The following CPA6 variants were observed in gnomAD, a reference collection of about 807,000 sequenced individuals.
The protein encoded by CPA6 is carboxypeptidase A6.
A neutral mutation model predicts 63.3 loss-of-function variants in CPA6; 58 were observed. That is an observed-to-expected ratio of 0.92 (90% CI 0.74 to 1.14). The LOEUF is 1.14. Among genes scored for constraint, CPA6 ranks in the 50% most tolerant of loss-of-function variants. CPA6 has a pLI of 0.00. For missense variants in CPA6, 565 were observed against 526.6 expected, an observed-to-expected ratio of 1.07 and a Z score of -0.71; for synonymous variants, 185 against 179.0, an observed-to-expected ratio of 1.03 and a Z score of -0.27.
At chr8:67,440,626 T>C (rs1251505325) in intron 8 of CPA6, among the ~76,000 whole-genome samples, 1 of 152,124 alleles carries the variant, frequency 6.6e-6, no homozygotes, top group Non-Finnish European at 1.5e-5. Flanking sequence ...GACAATTTCG[T>C]CAGTGAGCAA....
chr8:67,566,951 C>G (rs1665654912), intron 2 of CPA6, among the ~76,000 whole-genome samples: 3 of 152,150 alleles, frequency 2.0e-5, no homozygotes, highest in African/African-American at 7.2e-5. Flanking sequence ...ACTCTTTAGG[C>G]CACAGTATGT....
intron 2 of CPA6, among the ~76,000 whole-genome samples, chr8:67,586,987 T>C (rs112778244): frequency 8.9e-4 from 135 of 152,354 alleles, no homozygotes; most frequent in African/African-American, 3.0e-3. Flanking sequence ...TTGTGTGTAA[T>C]CTAGGCCATA....
chr8:67,501,066 A>G (rs1367772596), intron 6 of CPA6, among the ~76,000 whole-genome samples: 1 of 152,074 alleles, frequency 6.6e-6, no homozygotes, highest in Non-Finnish European at 1.5e-5. Flanking sequence ...GCCATTCCAT[A>G]TACTTTTAAG....
At chr8:67,672,120 G>A (rs557049921) in intron 1 of CPA6, among the ~76,000 whole-genome samples, 13 of 152,056 alleles carry the variant, frequency 8.5e-5, no homozygotes, top group Non-Finnish European at 1.3e-4. Context: ...GTGAGCCACC[G>A]CACCCGGCCT....
intron 2 of CPA6, among the ~76,000 whole-genome samples, chr8:67,546,533 G>T (rs1056537688): frequency 6.6e-6 from 1 of 151,940 alleles, no homozygotes; most frequent in African/African-American, 2.4e-5. Flanking sequence ...TTTCAACATC[G>T]CATGTAACTG....
intron 1 of CPA6, among the ~76,000 whole-genome samples, chr8:67,740,885 A>C (rs1215568406): frequency 1.3e-5 from 2 of 152,096 alleles, no homozygotes; most frequent in Non-Finnish European, 2.9e-5. Flanking sequence ...CTACTTTTCA[A>C]AAAAAATCTT....
chr8:67,731,581 C>T (rs1817705657), intron 1 of CPA6, among the ~76,000 whole-genome samples: 1 of 152,226 alleles, frequency 6.6e-6, no homozygotes, highest in Non-Finnish European at 1.5e-5. Flanking sequence ...CACATTTGAT[C>T]AACTTTATTT....
At chr8:67,710,341 G>C (rs1397795630) in intron 1 of CPA6, among the ~76,000 whole-genome samples, 1 of 151,902 alleles carries the variant, frequency 6.6e-6, no homozygotes, top group Non-Finnish European at 1.5e-5. Context: ...ATCTCTCTTA[G>C]ATCTGGGAAA....
chr8:67,714,935 G>A (rs1391696968), intron 1 of CPA6, among the ~76,000 whole-genome samples: 1 of 152,056 alleles, frequency 6.6e-6, no homozygotes, highest in East Asian at 1.9e-4. Flanking sequence ...ACTAAACCAA[G>A]CAACTAAAAG....
intron 2 of CPA6, among the ~76,000 whole-genome samples, chr8:67,574,248 C>T (rs894364485): frequency 1.3e-5 from 2 of 151,494 alleles, no homozygotes; most frequent in Non-Finnish European, 2.9e-5. Context: ...CATGGTGGCA[C>T]GAGAGTAATC....
chr8:67,543,512 A>G (rs1812749102), intron 2 of CPA6, among the ~76,000 whole-genome samples: 2 of 152,204 alleles, frequency 1.3e-5, no homozygotes, highest in Admixed American at 1.3e-4. Context: ...TCAGACCAGA[A>G]ACTACACAAA....
chr8:67,548,420 A>AT (rs377433339), intron 2 of CPA6, among the ~76,000 whole-genome samples: 5,913 of 150,458 alleles, frequency 0.039, 159 homozygotes, highest in Non-Finnish European at 0.057. Context: ...CCTGGCTAAT[A>AT]TTTTTTTTGT....
At chr8:67,523,910 G>C (rs929752624) in intron 2 of CPA6, among the ~76,000 whole-genome samples, 1 of 152,152 alleles carries the variant, frequency 6.6e-6, no homozygotes. Context: ...GCACTTTCCT[G>C]CTCTATATTT....
At chr8:67,664,653 G>A (rs568443646) in intron 1 of CPA6, among the ~76,000 whole-genome samples, 103 of 152,042 alleles carry the variant, frequency 6.8e-4, no homozygotes, top group South Asian at 2.1e-3. Flanking sequence ...AGGCTCATGT[G>A]GGCTCTAGAA....
In CPA6 at chr8:67,739,623, G is replaced by A. The variant is rs76594546; in HGVS notation, c.116+6391C>T. On this transcript the variant is annotated intron_variant, in intron 1 of 10. Transcript: ENST00000297770. ...GGCGCCTGCTTGCTTTGTTTATTCAGGGTGTGCAATGCTGAATGAAGCTCT... is the reference window on the plus strand; with the variant it reads ...GGCGCCTGCTTGCTTTGTTTATTCAAGGTGTGCAATGCTGAATGAAGCTCT... Among the ~76,000 whole-genome samples, 1,381 of 152,266 alleles carry A rather than the reference G, an allele frequency of 9.1e-3. 11 individuals carry two copies. Among genetic ancestry groups the A allele is most frequent in the Non-Finnish European group, 0.015 (1,004 of 68,016 alleles).
intron 2 of CPA6, among the ~76,000 whole-genome samples, chr8:67,561,175 T>C (rs2128974519): frequency 6.6e-6 from 1 of 152,278 alleles, no homozygotes; most frequent in Admixed American, 6.5e-5. Flanking sequence ...AATTTTAATC[T>C]TGGTGATTTG....
chr8:67,491,203 C>T (rs7462549), intron 6 of CPA6, among the ~76,000 whole-genome samples: 3,252 of 140,938 alleles, frequency 0.023, 115 homozygotes, highest in African/African-American at 0.079. Flanking sequence ...CAATTGGAGT[C>T]GGGGAGAGTT....
At chr8:67,490,737 AC>A (rs1214210563) in intron 6 of CPA6, among the ~76,000 whole-genome samples, 2 of 152,168 alleles carry the variant, frequency 1.3e-5, no homozygotes, top group Non-Finnish European at 2.9e-5. Context: ...CACCAAATAA[AC>A]TTTGGTTAAA....
At chr8:67,543,795 T>TTATTATTATTAG (rs1172579269) in intron 2 of CPA6, among the ~76,000 whole-genome samples, 1 of 151,166 alleles carries the variant, frequency 6.6e-6, no homozygotes, top group Non-Finnish European at 1.5e-5. Flanking sequence ...ATTATTATTA[T>TTATTATTATTAG]TTTTAAGAGA....
Sources: gnomAD v4.1 joint callset for allele counts (sites outside exome capture counted in the v4.1 genomes callset) on GRCh38, gnomAD v4.1.1 for gene constraint, MANE v1.5 for transcripts, NCBI Gene and HGNC (gene_info 2026-07-23, HGNC 2026-07-21) for gene names.